Variants in ELL2 observed in about 807,000 individuals in gnomAD.
ELL2 encodes the protein elongation factor for RNA polymerase II 2.
ELL2 carries 21 observed loss-of-function variants against 72.8 expected under a neutral mutation model. The observed-to-expected ratio is 0.29, with a 90% confidence interval of 0.20 to 0.42. The LOEUF is 0.42. Ranked by LOEUF, ELL2 falls within the 10% of genes least tolerant of loss-of-function variation. ELL2 has a pLI of 1.00. For synonymous variants in ELL2, 266 were observed against 283.2 expected (o/e 0.94, Z 0.61); for missense variants, 568 against 772.8 (o/e 0.73, Z 3.14).
At chr5:95,919,662 T>A in intron 2 of ELL2, 117 bp from the exon 3 acceptor site, 1 of 1,217,136 alleles carries the variant, frequency 8.2e-7, no homozygotes, top group Admixed American at 3.1e-5. Context: ...GCCCTTTTGA[T>A]ATATACATCC....
chr5:95,908,585 G>C (rs996378661), intron 4 of ELL2, among the ~76,000 whole-genome samples: 1 of 152,096 alleles, frequency 6.6e-6, no homozygotes, highest in Non-Finnish European at 1.5e-5. Context: ...AGAGGAGCAG[G>C]AATCAACACA....
At chr5:95,904,001 T>C (rs779591251) in intron 5 of ELL2, among the ~76,000 whole-genome samples, 2 of 152,212 alleles carry the variant, frequency 1.3e-5, no homozygotes, top group Admixed American at 6.5e-5. Flanking sequence ...TCACAAAATA[T>C]TAGGCTCTTT....
intron 1 of ELL2, among the ~76,000 whole-genome samples, chr5:95,957,657 G>A (rs1280415759): frequency 6.6e-6 from 1 of 152,048 alleles, no homozygotes. Flanking sequence ...GACTCACAAT[G>A]CCCCTCTGCC....
At chr5:95,928,724 C>G (rs1750484760) in intron 2 of ELL2, among the ~76,000 whole-genome samples, 1 of 152,192 alleles carries the variant, frequency 6.6e-6, no homozygotes, top group Non-Finnish European at 1.5e-5. Flanking sequence ...GAACCATTCT[C>G]AATCCCATCA....
intron 2 of ELL2, among the ~76,000 whole-genome samples, chr5:95,926,916 T>C (rs1023818548): frequency 1.3e-5 from 2 of 152,206 alleles, no homozygotes; most frequent in Non-Finnish European, 2.9e-5. Flanking sequence ...AGTTGCTATA[T>C]AACTGAAATT....
intron 3 of ELL2, among the ~76,000 whole-genome samples, chr5:95,916,955 G>A (rs1749834635): frequency 1.3e-5 from 2 of 152,286 alleles, no homozygotes; most frequent in South Asian, 2.1e-4. Context: ...CCCCTCATGC[G>A]AAGTCAGAAA....
intron 7 of ELL2, chr5:95,900,407 T>G (rs1439027908): frequency 4.4e-6 from 1 of 229,492 alleles, no homozygotes; most frequent in Non-Finnish European, 8.3e-6. Context: ...TTCTAGTTAG[T>G]GACCAAATTG....
intron 1 of ELL2, among the ~76,000 whole-genome samples, chr5:95,954,034 T>A (rs904069047): frequency 2.6e-5 from 4 of 152,150 alleles, no homozygotes; most frequent in Non-Finnish European, 5.9e-5. Context: ...CAAAACCAAA[T>A]TTTTTTCCCA....
chr5:95,938,323 A>T (rs1307705946), intron 2 of ELL2, among the ~76,000 whole-genome samples: 1 of 152,198 alleles, frequency 6.6e-6, no homozygotes, highest in African/African-American at 2.4e-5. Flanking sequence ...TTCCTTGTTC[A>T]TTCTGGGAAA....
At chr5:95,896,621 G>C (rs1390602993) in intron 8 of ELL2, among the ~76,000 whole-genome samples, 1 of 152,170 alleles carries the variant, frequency 6.6e-6, no homozygotes, top group Non-Finnish European at 1.5e-5. Flanking sequence ...TTTTACGATA[G>C]TCTGAGTCTT....
chr5:95,928,792 C>T (rs1312914202), intron 2 of ELL2, among the ~76,000 whole-genome samples: 1 of 152,172 alleles, frequency 6.6e-6, no homozygotes, highest in African/African-American at 2.4e-5. Context: ...ACTATTCTTA[C>T]AAAATGTCAA....
intron 1 of ELL2, among the ~76,000 whole-genome samples, chr5:95,944,372 T>C (rs1751078282): frequency 6.6e-6 from 1 of 152,224 alleles, no homozygotes; most frequent in Non-Finnish European, 1.5e-5. Flanking sequence ...TCATTTAACT[T>C]TAGACTTATC....
Position 95,898,471 on chromosome 5 carries a change from T to G in ELL2, c.1294A>C (p.Arg432=), listed in dbSNP as rs1198355113. Residue 432 remains arginine (R), a synonymous_variant, in exon 8 of 12, where the codon AGG becomes CGG. Coordinates refer to ENST00000237853, the MANE Select transcript of ELL2 (RefSeq NM_012081.6). ...YEDQQDKYTS[R]TSLETLPPGS... is the part of the protein sequence containing the mutation. ...GGGGGTAAGGTTTCCAGAGAAGTCC[T>G]AGAGGTATATTTGTCTTGCTGGTCC... The G allele has an allele frequency of 3.7e-6, 6 of 1,613,880 alleles. No individual in the cohort carries two copies. The African/African-American group carries it at 8.0e-5, about 22-fold the overall frequency.
chr5:95,921,273 C>A (rs925602877), intron 2 of ELL2, among the ~76,000 whole-genome samples: 3 of 152,108 alleles, frequency 2.0e-5, no homozygotes, highest in African/African-American at 2.4e-5. Context: ...ATTCAGATGA[C>A]TTGTATAGAG....
intron 7 of ELL2, chr5:95,900,492 G>A (rs1749092740): frequency 2.5e-6 from 1 of 396,128 alleles, no homozygotes; most frequent in Non-Finnish European, 4.5e-6. Flanking sequence ...ACTCTGACAA[G>A]CAGTGCTGTG....
At chr5:95,906,410 A>C in intron 5 of ELL2, 113 bp downstream of exon 5, 1 of 1,193,590 alleles carries the variant, frequency 8.4e-7, no homozygotes. Flanking sequence ...TGATCAAAAT[A>C]ATCCTAAAAT....
intron 9 of ELL2, among the ~76,000 whole-genome samples, chr5:95,891,655 C>T (rs1748667729): frequency 1.3e-5 from 2 of 152,198 alleles, no homozygotes; most frequent in Non-Finnish European, 2.9e-5. Context: ...GACAGAAGGA[C>T]TCAATGGGTA....
intron 2 of ELL2, among the ~76,000 whole-genome samples, chr5:95,939,978 C>G (rs1750912423): frequency 6.6e-6 from 1 of 152,110 alleles, no homozygotes; most frequent in African/African-American, 2.4e-5. Context: ...ATCTTAGGTA[C>G]AGATTAGAAC....
At chr5:95,948,323 G>A (rs745632760) in intron 1 of ELL2, among the ~76,000 whole-genome samples, 2 of 151,316 alleles carry the variant, frequency 1.3e-5, no homozygotes, top group Non-Finnish European at 2.9e-5. Flanking sequence ...GCAGCTACTC[G>A]GGAGGCTGAG....
Sources: allele counts gnomAD v4.1 joint callset (sites outside exome capture counted in the v4.1 genomes callset), GRCh38; gene constraint gnomAD v4.1.1; transcripts MANE v1.5; gene names NCBI Gene and HGNC (gene_info 2026-07-23, HGNC 2026-07-21).